The following ZFYVE28 variants were observed in gnomAD, a reference collection of about 807,000 sequenced individuals.
ZFYVE28 encodes zinc finger FYVE-type containing 28.
Under a neutral mutation model 82.1 loss-of-function variants are expected in ZFYVE28, and 40 were observed. That is an observed-to-expected ratio of 0.49 (90% confidence interval 0.38 to 0.63). The LOEUF (loss-of-function observed/expected upper bound fraction) is 0.63, where lower values mean the gene tolerates loss of function less well. Among genes scored for constraint, ZFYVE28 ranks in the 30% least tolerant of loss-of-function variants. The pLI, the probability that ZFYVE28 is intolerant of heterozygous loss-of-function variation, is 0.00. For missense variants in ZFYVE28, 1,321 were observed against 1,242.1 expected (o/e 1.06, Z -0.96); for synonymous variants, 612 against 546.1 (o/e 1.12, Z -1.68).
rs758853087 is a variant in ZFYVE28, at chr4:2,305,205, G to C, written c.1135C>G (p.Pro379Ala). Reference sequence around the variant, plus strand: ...CTACCTGGAGAGGCCTCCCCGCCTGGGCTGCCCTCCGCTCCTGGCCTGTGA... The same window carrying C: ...CTACCTGGAGAGGCCTCCCCGCCTGCGCTGCCCTCCGCTCCTGGCCTGTGA... The part of the protein sequence containing the change: ...PAHRPGAEGS[P>A]GGEASPGRPR... Residue 379 changes from proline to alanine, a missense_variant, in exon 8 of 13, where the codon CCA (proline) becomes GCA (alanine). By Grantham distance (27) the Pro-to-Ala change is conservative (BLOSUM62 -1). Around this residue, in one of 2 missense-constraint regions of ZFYVE28, gnomAD observed 978 missense variants for 833.7 expected, o/e 1.17. Coordinates refer to ENST00000290974, the MANE Select transcript of ZFYVE28 (RefSeq NM_020972.3). The C allele has an allele frequency of 1.2e-6, 2 of 1,605,420 alleles. No individual in the cohort carries two copies. The highest frequency in any genetic ancestry group is 1.7e-6 in the Non-Finnish European group (2 of 1,174,452).
intron 1 of ZFYVE28, among the ~76,000 whole-genome samples, chr4:2,366,674 G>A (rs978332438): frequency 3.3e-5 from 5 of 152,210 alleles, no homozygotes; most frequent in African/African-American, 7.2e-5. Context: ...GCCCCTTGGG[G>A]CATGGCAAAG....
chr4:2,293,960 C>T (rs1372171608), intron 8 of ZFYVE28, among the ~76,000 whole-genome samples: 1 of 151,870 alleles, frequency 6.6e-6, no homozygotes, highest in Non-Finnish European at 1.5e-5. Flanking sequence ...AAATTAAAGG[C>T]CTAAATAAAT....
At chr4:2,316,703 T>TTC (rs1170604383) in intron 7 of ZFYVE28, among the ~76,000 whole-genome samples, 7 of 152,032 alleles carry the variant, frequency 4.6e-5, no homozygotes, top group Non-Finnish European at 7.4e-5. Context: ...GTCTCTCTTT[T>TTC]TTTTTTTGAG....
chr4:2,299,236 A>T (rs1715113646), intron 8 of ZFYVE28, among the ~76,000 whole-genome samples: 1 of 152,166 alleles, frequency 6.6e-6, no homozygotes, highest in Admixed American at 6.5e-5. Context: ...AGGCGCTAAC[A>T]GAACAACTGC....
At chr4:2,337,360 G>T in intron 5 of ZFYVE28, 47 bp downstream of exon 5, 1 of 1,527,976 alleles carries the variant, frequency 6.5e-7, no homozygotes. Flanking sequence ...AGTGAGGCAG[G>T]GACTCCCCAG....
chr4:2,338,548 G>A (rs7696291), intron 4 of ZFYVE28, among the ~76,000 whole-genome samples: 28,290 of 151,830 alleles, frequency 0.19, 2,947 homozygotes, highest in African/African-American at 0.24. Flanking sequence ...AGCTGAGATC[G>A]TGCCACTGCA....
At chr4:2,395,332 A>T (rs984954239) in intron 1 of ZFYVE28, among the ~76,000 whole-genome samples, 11 of 152,238 alleles carry the variant, frequency 7.2e-5, no homozygotes, top group Non-Finnish European at 1.5e-4. Context: ...TAACATACTT[A>T]ACTACACTGT....
At chr4:2,315,714 T>C (rs914491005) in intron 7 of ZFYVE28, among the ~76,000 whole-genome samples, 1 of 152,258 alleles carries the variant, frequency 6.6e-6, no homozygotes, top group Non-Finnish European at 1.5e-5. Context: ...TCAAATTTTT[T>C]GTCTTTGTTT....
chr4:2,322,924 G>A (rs1023266493), intron 6 of ZFYVE28, among the ~76,000 whole-genome samples: 15 of 152,160 alleles, frequency 9.9e-5, no homozygotes, highest in Admixed American at 3.3e-4. Context: ...ATGTTCCCGC[G>A]CATACATTTC....
rs192897485 is a variant in ZFYVE28, at chr4:2,412,850, G to A, written c.39+5435C>T. Among the ~76,000 whole-genome samples, 244 of 152,230 alleles carry A rather than the reference G, an allele frequency of 1.6e-3. 2 individuals are homozygous for A. The highest frequency in any genetic ancestry group is 1.9e-3 in the Non-Finnish European group (128 of 68,018). The stretch of plus-strand genomic sequence containing the variant: ...ATTAGCCATCTCTCCTCTTAAGGTC[G>A]AACAAAATGACCTAAAGACACTCAG... On this transcript the variant is annotated intron_variant, in intron 1 of 12. Transcript: ENST00000290974.
At chr4:2,298,370 G>A (rs1175712371) in intron 8 of ZFYVE28, among the ~76,000 whole-genome samples, 1 of 152,170 alleles carries the variant, frequency 6.6e-6, no homozygotes, top group Non-Finnish European at 1.5e-5. Context: ...ACAAAACTGA[G>A]GCTCAGGCTG....
chr4:2,305,044 G>C lies in ZFYVE28; in HGVS notation c.1296C>G (p.Asp432Glu). 1 of 1,612,526 alleles carries C rather than the reference G, an allele frequency of 6.2e-7. No homozygotes were observed. The highest frequency in any genetic ancestry group is 8.5e-7 in the Non-Finnish European group (1 of 1,179,776). The change falls in exon 8 of 13, where the codon GAC becomes GAG. Residue 432 changes from aspartate to glutamate, a missense_variant. Coordinates refer to ENST00000290974, the MANE Select transcript of ZFYVE28 (RefSeq NM_020972.3). ...PFGWAGSTWA[D>E]PQEKGQGGPG... is the part of the protein sequence containing the mutation. ...GCCCACCCTGCCCTTTCTCCTGGGGGTCGGCCCAGGTACTGCCTGCCCACC... is the reference window on the plus strand; with the variant it reads ...GCCCACCCTGCCCTTTCTCCTGGGGCTCGGCCCAGGTACTGCCTGCCCACC...
chr4:2,307,997 C>A (rs1716844067), intron 7 of ZFYVE28, among the ~76,000 whole-genome samples: 1 of 152,140 alleles, frequency 6.6e-6, no homozygotes, highest in African/African-American at 2.4e-5. Context: ...AAATCAGAGA[C>A]CTATATATGC....
rs760432234 is a variant in ZFYVE28, at chr4:2,341,448, G to A, written c.318+30C>T. 6.2e-7 allele frequency: 1 copy of A among 1,610,592 alleles called. No homozygotes were observed. The highest frequency in any genetic ancestry group is 1.7e-5 in the Admixed American group (1 of 59,836). On this transcript the variant is annotated intron_variant, in intron 3 of 12. Coordinates refer to ENST00000290974, the MANE Select transcript of ZFYVE28 (RefSeq NM_020972.3). The surrounding 1 kb of genome is among the most constrained non-coding windows in gnomAD (Gnocchi z 4.5). ...TTGGCTAGACGCCACCCCACATCAG[G>A]ACCTCCGAACCCGGGTGGCCACCCG...
At chr4:2,370,140 G>A (rs983651822) in intron 1 of ZFYVE28, among the ~76,000 whole-genome samples, 3 of 151,906 alleles carry the variant, frequency 2.0e-5, no homozygotes, top group Middle Eastern at 3.2e-3. Context: ...GAACCAACAC[G>A]CCCGGCCGAT....
chr4:2,368,501 A>T (rs1727158503), intron 1 of ZFYVE28, among the ~76,000 whole-genome samples: 1 of 122,928 alleles, frequency 8.1e-6, no homozygotes, highest in Non-Finnish European at 1.8e-5. Flanking sequence ...AAGAAACCAC[A>T]CCTGTTAGCA....
intron 1 of ZFYVE28, among the ~76,000 whole-genome samples, chr4:2,400,188 C>T (rs746938657): frequency 3.9e-5 from 6 of 152,184 alleles, no homozygotes; most frequent in African/African-American, 1.4e-4. Context: ...TTTACTTGAC[C>T]GCACTTAATT....
In ZFYVE28 at chr4:2,273,259, G is replaced by T. The variant is rs1736078448; in HGVS notation, c.2237C>A (p.Ala746Asp). The T allele has an allele frequency of 6.2e-7, 1 of 1,612,996 alleles. No homozygotes were observed. The highest frequency in any genetic ancestry group is 8.5e-7 in the Non-Finnish European group (1 of 1,179,782). The change falls in exon 10 of 13, where the codon GCC becomes GAC. Residue 746 changes from alanine to aspartate, a missense_variant. By Grantham distance (126) the Ala-to-Asp change is moderately radical. This residue lies in a region of ZFYVE28 where 978 missense variants were observed against 833.7 expected (regional missense o/e 1.17). Transcript: ENST00000290974. ...TTTAAGAATACTTCTCAGGTCACTGGCATAGTTCGTCTGCAGCTGGTCAGC... is the reference window on the plus strand; with the variant it reads ...TTTAAGAATACTTCTCAGGTCACTGTCATAGTTCGTCTGCAGCTGGTCAGC... ...GVADQLQTNYASDLRSILKTL... is the reference protein window; with the variant it reads ...GVADQLQTNYDSDLRSILKTL...
At chr4:2,310,134 G>A (rs1485953843) in intron 7 of ZFYVE28, among the ~76,000 whole-genome samples, 2 of 151,992 alleles carry the variant, frequency 1.3e-5, no homozygotes, top group Non-Finnish European at 2.9e-5. Context: ...TGCCTCCCTG[G>A]CTCAAGCAGT....
Sources: allele counts gnomAD v4.1 joint callset (sites outside exome capture counted in the v4.1 genomes callset), GRCh38; gene constraint gnomAD v4.1.1; regional missense constraint gnomAD v4.1.1; non-coding constraint Gnocchi (gnomAD v3.1); transcripts MANE v1.5; gene names NCBI Gene and HGNC (gene_info 2026-07-23, HGNC 2026-07-21).